ENTHD1: variants seen among roughly 807,000 people sequenced by gnomAD.
ENTHD1 encodes ENTH domain-containing protein 1.
Under a neutral mutation model 39.1 loss-of-function variants are expected in ENTHD1, and 23 were observed. The observed-to-expected ratio is 0.59, with a 90% CI of 0.42 to 0.83. The LOEUF (loss-of-function observed/expected upper bound fraction) is 0.83, where lower values mean the gene tolerates loss of function less well. ENTHD1 is among the 40% of genes least tolerant of loss of function. The probability of loss-of-function intolerance (pLI) is 0.00; values close to 1 mark genes in which losing one functional copy is unlikely to be tolerated. For synonymous variants in ENTHD1, 230 were observed against 258.2 expected (o/e 0.89, Z 1.05); for missense variants, 624 against 705.4 (o/e 0.88, Z 1.31).
At chr22:39,874,851 AAAT>A (rs770153745) in intron 2 of ENTHD1, among the ~76,000 whole-genome samples, 10 of 152,198 alleles carry the variant, frequency 6.6e-5, no homozygotes, top group Non-Finnish European at 8.8e-5. Context: ...GCTAAATTGA[AAAT>A]AATAACATTC....
rs929283925 is a variant in ENTHD1 at position 39,867,068 on chromosome 22, A to T, written c.350-5061T>A. 2.6e-5 allele frequency among the ~76,000 whole-genome samples: 4 copies of T among 152,022 alleles called. No homozygotes were observed. The highest frequency in any genetic ancestry group is 9.7e-5 in the African/African-American group (4 of 41,388). On this transcript the variant is annotated intron_variant, in intron 2 of 6. Transcript: ENST00000325157. This position sits in a 1 kb window ranked among gnomAD's most constrained non-coding sequence, Gnocchi z 4.5. ...CAGGCGCCCGCCACCAGGCCCGGCTAATTTTTTTGCATTTTTAGTAGAGAC... is the reference window on the plus strand; with the variant it reads ...CAGGCGCCCGCCACCAGGCCCGGCTTATTTTTTTGCATTTTTAGTAGAGAC...
chr22:39,882,036 TAC>T (rs1264781504), intron 2 of ENTHD1, among the ~76,000 whole-genome samples: 1 of 152,242 alleles, frequency 6.6e-6, no homozygotes, highest in East Asian at 1.9e-4. Context: ...CATTTCTCAG[TAC>T]AGACTTGACA....
In ENTHD1 at chr22:39,867,753, A is replaced by G. The variant is rs2066198666; in HGVS notation, c.350-5746T>C. Reference sequence around the variant, plus strand: ...GGTTGCAGTGAGCCGAGATCGCGCCATTGCACTCCAGCCTGGGCGATGAGA... The same window carrying G: ...GGTTGCAGTGAGCCGAGATCGCGCCGTTGCACTCCAGCCTGGGCGATGAGA... On this transcript the variant is annotated intron_variant, in intron 2 of 6. Coordinates refer to ENST00000325157, the MANE Select transcript of ENTHD1 (RefSeq NM_152512.4). This position sits in a 1 kb window ranked among gnomAD's most constrained non-coding sequence, Gnocchi z 4.5. 6.6e-6 allele frequency among the ~76,000 whole-genome samples: 1 copy of G among 151,990 alleles called. No homozygotes were observed. Among genetic ancestry groups the G allele is most frequent in the South Asian group, 2.1e-4 (1 of 4,822 alleles).
chr22:39,776,473 T>C (rs1179841094), intron 5 of ENTHD1, among the ~76,000 whole-genome samples: 1 of 152,222 alleles, frequency 6.6e-6, no homozygotes, highest in East Asian at 1.9e-4. Flanking sequence ...TATGAGACTA[T>C]ACCCAGTATT....
chr22:39,886,834 A>G (rs2146777137), intron 2 of ENTHD1, among the ~76,000 whole-genome samples: 1 of 152,282 alleles, frequency 6.6e-6, no homozygotes, highest in Middle Eastern at 3.4e-3. Context: ...GCTTCCATCT[A>G]GATAGTCTTT....
At chr22:39,845,679 T>C (rs568051161) in intron 3 of ENTHD1, among the ~76,000 whole-genome samples, 2 of 152,336 alleles carry the variant, frequency 1.3e-5, no homozygotes, top group Non-Finnish European at 2.9e-5. Flanking sequence ...TGTCACTACA[T>C]AATACAAAGC....
At chr22:39,746,697 C>T (rs913027038) in intron 6 of ENTHD1, among the ~76,000 whole-genome samples, 1 of 152,126 alleles carries the variant, frequency 6.6e-6, no homozygotes, top group Non-Finnish European at 1.5e-5. Flanking sequence ...GTTATCCTAT[C>T]TCCTACCTAG....
intron 6 of ENTHD1, among the ~76,000 whole-genome samples, chr22:39,745,767 T>C (rs1368800209): frequency 1.3e-5 from 2 of 152,256 alleles, no homozygotes; most frequent in African/African-American, 4.8e-5. Context: ...TGAAAATGTC[T>C]GTACTCTGCT....
chr22:39,812,887 A>G (rs545149337), intron 5 of ENTHD1, among the ~76,000 whole-genome samples: 96 of 152,172 alleles, frequency 6.3e-4, no homozygotes, highest in African/African-American at 2.1e-3. Context: ...GGCTCAAGCA[A>G]TCCTCCCACC....
intron 3 of ENTHD1, among the ~76,000 whole-genome samples, chr22:39,847,830 T>C (rs1175023402): frequency 6.6e-6 from 1 of 152,364 alleles, no homozygotes; most frequent in East Asian, 1.9e-4. Context: ...TTTGTTCTAA[T>C]GATGCTATAA....
intron 5 of ENTHD1, among the ~76,000 whole-genome samples, chr22:39,812,560 A>T (rs759358166): frequency 6.6e-6 from 1 of 152,170 alleles, no homozygotes; most frequent in African/African-American, 2.4e-5. Flanking sequence ...GCTGTCAATA[A>T]TCTTCTTTCC....
At chr22:39,791,403 T>G (rs2065503036) in intron 5 of ENTHD1, among the ~76,000 whole-genome samples, 1 of 151,360 alleles carries the variant, frequency 6.6e-6, no homozygotes, top group Non-Finnish European at 1.5e-5. Flanking sequence ...ACATCATAAT[T>G]TTTTTGTGGG....
intron 5 of ENTHD1, among the ~76,000 whole-genome samples, chr22:39,805,780 C>T (rs2065635738): frequency 6.6e-6 from 1 of 151,964 alleles, no homozygotes; most frequent in Non-Finnish European, 1.5e-5. Context: ...TATTTTCTGC[C>T]ACAGGAAATT....
At chr22:39,810,508 T>G (rs2065676981) in intron 5 of ENTHD1, among the ~76,000 whole-genome samples, 1 of 152,170 alleles carries the variant, frequency 6.6e-6, no homozygotes, top group Non-Finnish European at 1.5e-5. Context: ...ATTAGAGAGA[T>G]CAGGCAGAAC....
rs770711218 is a variant in ENTHD1, at chr22:39,861,937, C to T, written c.420G>A (p.Glu140=). 28 of 1,593,358 alleles carry T rather than the reference C, an allele frequency of 1.8e-5. No homozygotes were observed. The highest frequency in any genetic ancestry group is 2.2e-5 in the Non-Finnish European group (26 of 1,166,224). Residue 140 remains glutamate (E), a synonymous_variant, in exon 3 of 7, where the codon GAG becomes GAA. Coordinates refer to ENST00000325157, the MANE Select transcript of ENTHD1 (RefSeq NM_152512.4). ...LLMDEPLLCK[E]REVACRTRQR... ...GTCTAGTCCGACATGCCACTTCCCT[C>T]TCTTTACACAGCAATGGTTCATCCA...
chr22:39,813,641 C>A (rs979743941), intron 5 of ENTHD1, among the ~76,000 whole-genome samples: 16 of 152,176 alleles, frequency 1.1e-4, no homozygotes, highest in African/African-American at 3.1e-4. Context: ...ATGTTTAAAT[C>A]ATTCTCATTA....
At chr22:39,807,888 C>CGTGT (rs375190088) in intron 5 of ENTHD1, among the ~76,000 whole-genome samples, 3,376 of 146,006 alleles carry the variant, frequency 0.023, 44 homozygotes, top group Non-Finnish European at 0.035. Flanking sequence ...TATATACGTA[C>CGTGT]GTGTGTGTGT....
chr22:39,821,878 A>G (rs1400205245), intron 4 of ENTHD1, among the ~76,000 whole-genome samples: 1 of 152,168 alleles, frequency 6.6e-6, no homozygotes, highest in African/African-American at 2.4e-5. Context: ...CTTCTTTTAT[A>G]AGGGCACTAA....
chr22:39,749,021 C>A (rs950349440), intron 6 of ENTHD1, among the ~76,000 whole-genome samples: 3 of 152,202 alleles, frequency 2.0e-5, no homozygotes, highest in Non-Finnish European at 4.4e-5. Flanking sequence ...CTTATGACTA[C>A]AACTGCTGAC....
Sources: allele counts gnomAD v4.1 joint callset (sites outside exome capture counted in the v4.1 genomes callset), GRCh38; gene constraint gnomAD v4.1.1; non-coding constraint Gnocchi (gnomAD v3.1); transcripts MANE v1.5; gene names NCBI Gene and HGNC (gene_info 2026-07-23, HGNC 2026-07-21).